Variants in TNKS observed in about 807,000 individuals in gnomAD.
The protein encoded by TNKS is poly [ADP-ribose] polymerase tankyrase-1.
A neutral mutation model predicts 135.8 loss-of-function variants in TNKS; 72 were observed. The ratio of observed to expected loss-of-function variants is 0.53; its 90% CI spans 0.44 to 0.64. The LOEUF (loss-of-function observed/expected upper bound fraction) is 0.64. Among genes scored for constraint, TNKS ranks in the 30% least tolerant of loss-of-function variants. The pLI is 0.00. For synonymous variants in TNKS, 849 were observed against 649.3 expected (o/e 1.31, Z -4.68); for missense variants, 1,769 against 1,674.0 (o/e 1.06, Z -0.99).
rs183727076 is a variant in TNKS at position 9,609,827 on chromosome 8, G to A, written c.899-5755G>A. On this transcript the variant is annotated intron_variant, in intron 2 of 26. Coordinates refer to ENST00000310430, the MANE Select transcript of TNKS (RefSeq NM_003747.3). ...TAAATTCAGTAAGCCATCCTATATA[G>A]GGATAGCACTGGTTACTTGAATTTT... Among the ~76,000 whole-genome samples, 225 of 152,210 alleles carry A rather than the reference G, an allele frequency of 1.5e-3. 1 individual carries two copies. Among genetic ancestry groups the A allele is most frequent in the African/African-American group, 5.3e-3 (221 of 41,530 alleles).
chr8:9,656,869 TG>T (rs1801400309), intron 3 of TNKS, among the ~76,000 whole-genome samples: 1 of 136,214 alleles, frequency 7.3e-6, no homozygotes, highest in Admixed American at 7.4e-5. Flanking sequence ...AAGCACATCT[TG>T]CACCGCCCTT....
chr8:9,670,513 C>T (rs1563156853), intron 3 of TNKS, among the ~76,000 whole-genome samples: 3 of 152,090 alleles, frequency 2.0e-5, no homozygotes, highest in Non-Finnish European at 2.9e-5. Flanking sequence ...ATTTTAAATA[C>T]CTAGTAAAAT....
chr8:9,757,468 C>T (rs1314481212), intron 20 of TNKS, among the ~76,000 whole-genome samples: 2 of 152,128 alleles, frequency 1.3e-5, no homozygotes, highest in Non-Finnish European at 2.9e-5. Flanking sequence ...ACATGGTATT[C>T]CCTCTGTCTT....
At chr8:9,571,903 A>G (rs1433347877) in intron 1 of TNKS, among the ~76,000 whole-genome samples, 2 of 152,090 alleles carry the variant, frequency 1.3e-5, no homozygotes, top group East Asian at 3.9e-4. Flanking sequence ...ATTTATCCCT[A>G]TCCTTTTGTC....
chr8:9,765,621 A>T, intron 23 of TNKS, 71 bp from the exon 24 acceptor site: 1 of 1,340,692 alleles, frequency 7.5e-7, no homozygotes, highest in Non-Finnish European at 1.1e-6. Flanking sequence ...CTAAAAGGAA[A>T]ACATACTTTT....
At chr8:9,668,804 G>A (rs1185100467) in intron 3 of TNKS, among the ~76,000 whole-genome samples, 1 of 152,212 alleles carries the variant, frequency 6.6e-6, no homozygotes, top group Non-Finnish European at 1.5e-5. Flanking sequence ...AGTTGATAGT[G>A]TGTGTTGAGA....
intron 1 of TNKS, among the ~76,000 whole-genome samples, chr8:9,567,536 C>A (rs1014557870): frequency 6.6e-6 from 1 of 152,218 alleles, no homozygotes; most frequent in Admixed American, 6.5e-5. Flanking sequence ...CTGCCTCAGC[C>A]TCCCGAGTAG....
Position 9,748,033 on chromosome 8 carries a change from A to G in TNKS, c.2653A>G (p.Ile885Val). Residue 885 changes from isoleucine (I) to valine (V), a missense_variant, in exon 18 of 27, where the codon ATA (isoleucine) becomes GTA (valine). Physicochemically the swap from Ile to Val is conservative, Grantham distance 29. Transcript: ENST00000310430. ...HNAASYGHVD[I>V]AALLIKYNTC... ...TTTTCTTTTTTTTCAGCATGTTGAC[A>G]TAGCGGCTTTATTGATAAAATACAA... is the stretch of plus-strand genomic sequence containing the variant. 1 of 1,608,212 alleles carries G rather than the reference A, an allele frequency of 6.2e-7. No individual in the cohort carries two copies. The highest frequency in any genetic ancestry group is 8.5e-7 in the Non-Finnish European group (1 of 1,177,742).
intron 11 of TNKS, among the ~76,000 whole-genome samples, chr8:9,719,965 A>G (rs1490092813): frequency 2.0e-5 from 3 of 152,208 alleles, no homozygotes; most frequent in Non-Finnish European, 4.4e-5. Context: ...CTTTGCTTAC[A>G]TATGCTGTTG....
intron 3 of TNKS, among the ~76,000 whole-genome samples, chr8:9,659,282 G>A (rs180906117): frequency 2.6e-5 from 4 of 151,852 alleles, no homozygotes; most frequent in East Asian, 1.9e-4. Flanking sequence ...CAGAATATAC[G>A]TTCTTTTCAG....
intron 5 of TNKS, among the ~76,000 whole-genome samples, chr8:9,683,084 A>T (rs1036383870): frequency 2.0e-5 from 3 of 152,056 alleles, no homozygotes; most frequent in Non-Finnish European, 4.4e-5. Flanking sequence ...ACAATTGCTC[A>T]TCTGTGTGGT....
intron 2 of TNKS, among the ~76,000 whole-genome samples, chr8:9,614,246 GA>G (rs909419953): frequency 6.6e-6 from 1 of 152,150 alleles, no homozygotes; most frequent in African/African-American, 2.4e-5. Flanking sequence ...TTATTCTACT[GA>G]CTCTTGAATC....
At chr8:9,659,361 A>G (rs1035439043) in intron 3 of TNKS, among the ~76,000 whole-genome samples, 4 of 152,320 alleles carry the variant, frequency 2.6e-5, no homozygotes, top group South Asian at 2.1e-4. Context: ...CAAATGTAAA[A>G]GAACAGAAAT....
At chr8:9,603,760 C>T (rs995388763) in intron 2 of TNKS, among the ~76,000 whole-genome samples, 1 of 152,104 alleles carries the variant, frequency 6.6e-6, no homozygotes, top group African/African-American at 2.4e-5. Context: ...CTGAAGATAC[C>T]ATTGTGCATC....
At chr8:9,646,177 T>G (rs1297251617) in intron 3 of TNKS, among the ~76,000 whole-genome samples, 2 of 152,166 alleles carry the variant, frequency 1.3e-5, no homozygotes, top group Non-Finnish European at 2.9e-5. Context: ...CTTGCATTCT[T>G]GGTCTTCTCT....
At chr8:9,766,484 T>C (rs1227684727) in intron 25 of TNKS, 59 bp downstream of exon 25, 2 of 185,898 alleles carry the variant, frequency 1.1e-5, no homozygotes, top group East Asian at 2.1e-4. Flanking sequence ...CCAAATTGTC[T>C]TTTTTTTTTT....
At chr8:9,578,074 C>T (rs1798024714) in intron 1 of TNKS, among the ~76,000 whole-genome samples, 1 of 152,198 alleles carries the variant, frequency 6.6e-6, no homozygotes, top group Non-Finnish European at 1.5e-5. Context: ...CACATCCAGG[C>T]CACACCAACA....
chr8:9,769,587 G>C (rs1157843348), intron 25 of TNKS, among the ~76,000 whole-genome samples: 1 of 149,854 alleles, frequency 6.7e-6, no homozygotes, highest in Non-Finnish European at 1.5e-5. Context: ...TTTTCCACCA[G>C]GCAAAACTTA....
At chr8:9,565,259 A>G (rs1012088127) in intron 1 of TNKS, among the ~76,000 whole-genome samples, 6 of 152,174 alleles carry the variant, frequency 3.9e-5, no homozygotes, top group African/African-American at 1.4e-4. Flanking sequence ...CTCCCCATTC[A>G]ATTTAGACAA....
Sources: gnomAD v4.1 joint callset for allele counts (sites outside exome capture counted in the v4.1 genomes callset) on GRCh38, gnomAD v4.1.1 for gene constraint, MANE v1.5 for transcripts, NCBI Gene and HGNC (gene_info 2026-07-23, HGNC 2026-07-21) for gene names.